Variants in ANXA3 observed in about 807,000 individuals in gnomAD.
ANXA3 encodes the protein 35-alpha calcimedin.
ANXA3 carries 46 observed loss-of-function variants against 48.8 expected under a neutral mutation model. The observed-to-expected ratio is 0.94, with a 90% confidence interval of 0.74 to 1.21. ANXA3 has a LOEUF of 1.21. Among genes scored for constraint, ANXA3 ranks in the 50% most tolerant of loss-of-function variants. The probability of loss-of-function intolerance (pLI) is 0.00; values close to 1 mark genes in which losing one functional copy is unlikely to be tolerated. For missense variants in ANXA3, 383 were observed against 378.6 expected, an observed-to-expected ratio of 1.01 and a Z score of -0.10; for synonymous variants, 128 against 134.7, an observed-to-expected ratio of 0.95 and a Z score of 0.35.
chr4:78,554,147 A>G (rs1722460598), intron 1 of ANXA3: 1 of 243,548 alleles, frequency 4.1e-6, no homozygotes, highest in Non-Finnish European at 7.9e-6. Flanking sequence ...TAAGTCAAAA[A>G]TTGGCTTTTC....
In ANXA3 at chr4:78,610,220, G is replaced by A. The variant is rs1578407446; in HGVS notation, c.*105G>A. On this transcript the variant is annotated 3_prime_UTR_variant, in exon 13 of 13. Transcript: ENST00000264908. ...AACAAGCAAATATAAACAGCAACTT[G>A]TGTTCCTAACAGGAATTTTCATTGT... 1.5e-6 allele frequency: 1 copy of A among 678,076 alleles called. No individual in the cohort carries two copies. The highest frequency in any genetic ancestry group is 2.4e-6 in the Non-Finnish European group (1 of 412,484). 42.0% of individuals were successfully genotyped at this position (678,076 alleles called of 1,614,324 possible).
At chr4:78,554,293 A>G (rs1722464535) in intron 1 of ANXA3, 143 bp from the exon 2 acceptor site, 1 of 633,894 alleles carries the variant, frequency 1.6e-6, no homozygotes. Flanking sequence ...GGGATACCCA[A>G]TGTCAGATAT....
intron 2 of ANXA3, among the ~76,000 whole-genome samples, chr4:78,564,969 G>T (rs1722700265): frequency 6.6e-6 from 1 of 151,648 alleles, no homozygotes; most frequent in African/African-American, 2.4e-5. Flanking sequence ...GTGAAATAGG[G>T]GAGTGACAAG....
chr4:78,605,665 AT>A lies in ANXA3; in HGVS notation c.912+1268del, dbSNP rs769621199. Among the ~76,000 whole-genome samples, 9 of 152,258 alleles carry A rather than the reference AT, an allele frequency of 5.9e-5. No individual in the cohort carries two copies. In the East Asian group the frequency reaches 1.7e-3, roughly 29 times the overall value. Reference sequence around the variant, plus strand: ...AAATCTGGTCCCTTCTGTTTCTTTCATTCTGGATGAGAATCTTCCTAAAATG... The same window carrying A: ...AAATCTGGTCCCTTCTGTTTCTTTCATCTGGATGAGAATCTTCCTAAAATG... On this transcript the variant is annotated intron_variant, in intron 12 of 12. Transcript: ENST00000264908.
chr4:78,604,285 A>T lies in ANXA3; in HGVS notation c.798A>T (p.Gly266=). The stretch of plus-strand genomic sequence containing the variant: ...CCTGCATTCCTTAACAGGGTATTGG[A>T]ACTGATGAGTTTACTCTGAACCGAA... ...ERLHRALKGI[G]TDEFTLNRIM... Residue 266 remains glycine, a synonymous_variant, in exon 12 of 13, where the codon GGA becomes GGT. Coordinates refer to ENST00000264908, the MANE Select transcript of ANXA3 (RefSeq NM_005139.3). 1 of 1,611,146 alleles carries T rather than the reference A, an allele frequency of 6.2e-7. No homozygotes were observed. Among genetic ancestry groups the T allele is most frequent in the Non-Finnish European group, 8.5e-7 (1 of 1,178,072 alleles).
chr4:78,610,001 A>G (rs1013415646), intron 12 of ANXA3, 55 bp from the exon 13 acceptor site: 3 of 1,364,324 alleles, frequency 2.2e-6, no homozygotes, highest in East Asian at 2.3e-5. Context: ...TGATTCATTT[A>G]TGGTCTCCCA....
At chr4:78,571,917 G>A (rs895026674) in intron 2 of ANXA3, among the ~76,000 whole-genome samples, 1 of 152,132 alleles carries the variant, frequency 6.6e-6, no homozygotes, top group Non-Finnish European at 1.5e-5. Flanking sequence ...CTTTTAGAAG[G>A]TCTTCTAATT....
intron 2 of ANXA3, among the ~76,000 whole-genome samples, chr4:78,564,745 G>A (rs1722694709): frequency 6.6e-6 from 1 of 152,180 alleles, no homozygotes; most frequent in African/African-American, 2.4e-5. Flanking sequence ...AGGACTGAAG[G>A]TAAAAATCAT....
intron 9 of ANXA3, among the ~76,000 whole-genome samples, chr4:78,596,279 G>C (rs1723422555): frequency 6.6e-6 from 1 of 152,232 alleles, no homozygotes; most frequent in African/African-American, 2.4e-5. Context: ...CTGCAGGTGA[G>C]TCTCTGTTGA....
At chr4:78,558,746 C>T (rs963360758) in intron 2 of ANXA3, among the ~76,000 whole-genome samples, 2 of 152,120 alleles carry the variant, frequency 1.3e-5, no homozygotes, top group African/African-American at 2.4e-5. Context: ...TATGTTCTAC[C>T]ACTTCACCCT....
At chr4:78,600,218 T>A (rs1723505455) in intron 10 of ANXA3, among the ~76,000 whole-genome samples, 1 of 152,118 alleles carries the variant, frequency 6.6e-6, no homozygotes, top group Admixed American at 6.5e-5. Context: ...TTATGAATTC[T>A]TGGTCATGGT....
At chr4:78,600,302 T>G (rs1216316577) in intron 10 of ANXA3, among the ~76,000 whole-genome samples, 2 of 152,122 alleles carry the variant, frequency 1.3e-5, no homozygotes, top group Non-Finnish European at 2.9e-5. Flanking sequence ...CACTGAAACA[T>G]ACTGCCACCT....
At chr4:78,604,429 T>C (rs1449841804) in intron 12 of ANXA3, 30 bp downstream of exon 12, 2 of 1,572,000 alleles carry the variant, frequency 1.3e-6, no homozygotes, top group Non-Finnish European at 1.7e-6. Flanking sequence ...TAGCAAAACA[T>C]ATTTTGCCCT....
At chr4:78,561,850 A>C (rs1453249368) in intron 2 of ANXA3, among the ~76,000 whole-genome samples, 1 of 152,210 alleles carries the variant, frequency 6.6e-6, no homozygotes, top group Non-Finnish European at 1.5e-5. Context: ...TCTTTTGCAG[A>C]AAGTTGATTT....
chr4:78,602,492 C>T (rs1723565377), intron 11 of ANXA3: 1 of 152,106 alleles, frequency 6.6e-6, no homozygotes, highest in South Asian at 2.1e-4. Context: ...AAGCTTGAGA[C>T]CCAGTAGATC....
At chr4:78,597,729 CAGCCTCCCAAGT>C (rs1210234715) in intron 10 of ANXA3, among the ~76,000 whole-genome samples, 1 of 152,096 alleles carries the variant, frequency 6.6e-6, no homozygotes, top group Non-Finnish European at 1.5e-5. Context: ...CCTCCCACCT[CAGCCTCCCAAGT>C]AGCTGAGACA....
chr4:78,555,675 A>T (rs1197901099), intron 2 of ANXA3, among the ~76,000 whole-genome samples: 1 of 124,048 alleles, frequency 8.1e-6, no homozygotes, highest in Non-Finnish European at 1.5e-5. Flanking sequence ...CCAGTCTCTT[A>T]AAAAAAAAAA....
At chr4:78,556,751 C>T (rs1438608945) in intron 2 of ANXA3, among the ~76,000 whole-genome samples, 3 of 152,024 alleles carry the variant, frequency 2.0e-5, no homozygotes, top group African/African-American at 4.8e-5. Flanking sequence ...AAGCATCTCT[C>T]CAAAATGCTG....
At position 78,586,351 on chromosome 4, in the gene ANXA3, G is replaced by C; in HGVS notation, c.403+1G>C. On this transcript the variant is annotated splice_donor_variant, in intron 6 of 12. Transcript: ENST00000264908. LOFTEE classifies it high-confidence loss of function. ...GATATCTCTCAAGCCTATTATACAGGTGTCTTATTTTCTGCTTACCTTCAC... is the reference window on the plus strand; with the variant it reads ...GATATCTCTCAAGCCTATTATACAGCTGTCTTATTTTCTGCTTACCTTCAC... 6.2e-7 allele frequency: 1 copy of C among 1,608,096 alleles called. No homozygotes were observed. Among genetic ancestry groups the C allele is most frequent in the African/African-American group, 1.3e-5 (1 of 74,808 alleles).
Sources: gnomAD v4.1 joint callset for allele counts (sites outside exome capture counted in the v4.1 genomes callset) on GRCh38, gnomAD v4.1.1 for gene constraint, MANE v1.5 for transcripts, NCBI Gene and HGNC (gene_info 2026-07-23, HGNC 2026-07-21) for gene names.